Variants in CNTN5 observed in about 807,000 individuals in gnomAD.
The protein encoded by CNTN5 is contactin-5.
In CNTN5, 77 loss-of-function variants were observed where a neutral mutation model predicts 129.1. The ratio of observed to expected loss-of-function variants is 0.60; its 90% CI spans 0.50 to 0.72. The LOEUF (loss-of-function observed/expected upper bound fraction) is 0.72, where lower values mean the gene tolerates loss of function less well. Among genes scored for constraint, CNTN5 ranks in the 30% least tolerant of loss-of-function variants. The pLI is 0.00. For synonymous variants in CNTN5, 509 were observed against 465.6 expected, an observed-to-expected ratio of 1.09 and a Z score of -1.20; for missense variants, 1,478 against 1,328.8, an observed-to-expected ratio of 1.11 and a Z score of -1.75.
In CNTN5 at chr11:99,283,645, T is replaced by C. The variant is rs374188388; in HGVS notation, c.-209-41701T>C. Among the ~76,000 whole-genome samples the C allele has an allele frequency of 4.8e-3, 730 of 152,302 alleles. 6 individuals are homozygous for C. The highest frequency in any genetic ancestry group is 0.028 in the South Asian group (135 of 4,826). On this transcript the variant is annotated intron_variant, in intron 1 of 24. Coordinates refer to ENST00000524871, the MANE Select transcript of CNTN5 (RefSeq NM_014361.4). ...TGTATTACAAAGACCAGTTGTTTGCTAGTTTGTAACGAGCACTGTGCTAAG... is the reference window on the plus strand; with the variant it reads ...TGTATTACAAAGACCAGTTGTTTGCCAGTTTGTAACGAGCACTGTGCTAAG...
At chr11:99,458,371 T>G (rs1367923118) in intron 2 of CNTN5, among the ~76,000 whole-genome samples, 4 of 152,008 alleles carry the variant, frequency 2.6e-5, no homozygotes, top group Non-Finnish European at 5.9e-5. Context: ...AAAAGTCATT[T>G]TTAGTAATCA....
intron 9 of CNTN5, among the ~76,000 whole-genome samples, chr11:100,058,733 A>G (rs575454918): frequency 7.3e-5 from 11 of 150,860 alleles, no homozygotes; most frequent in Non-Finnish European, 1.6e-4. Context: ...AATGGAGAAC[A>G]TTGCTATCAC....
chr11:100,070,447 C>T lies in CNTN5; in HGVS notation c.1186C>T (p.Leu396=), dbSNP rs1943876080. 5 of 1,612,112 alleles carry T rather than the reference C, an allele frequency of 3.1e-6. No individual in the cohort carries two copies. Among genetic ancestry groups the T allele is most frequent in the African/African-American group, 1.3e-5 (1 of 74,866 alleles). ...VYTYPHWVEK[L]NDTQLDSGSP... ...AGCCTACCCACACTGGGTAGAAAAA[C>T]TGAATGATACTCAGTTAGACAGTGG... The change falls in exon 11 of 25, where the codon CTG becomes TTG. Residue 396 remains leucine, a synonymous_variant. Transcript: ENST00000524871.
At chr11:99,251,653 C>G (rs1347697165) in intron 1 of CNTN5, among the ~76,000 whole-genome samples, 2 of 151,984 alleles carry the variant, frequency 1.3e-5, no homozygotes, top group African/African-American at 4.8e-5. Flanking sequence ...TAACAATTGT[C>G]AAGCAGAGAG....
intron 1 of CNTN5, among the ~76,000 whole-genome samples, chr11:99,253,214 C>T (rs1189527946): frequency 1.3e-5 from 2 of 152,014 alleles, no homozygotes; most frequent in Admixed American, 6.6e-5. Context: ...AATTGGAGTT[C>T]CCCTGCACCA....
chr11:99,823,356 G>A (rs1027502255), intron 4 of CNTN5, among the ~76,000 whole-genome samples: 8 of 151,966 alleles, frequency 5.3e-5, no homozygotes, highest in East Asian at 3.9e-4. Context: ...ATCTCAACAG[G>A]TTGGTATTCT....
intron 13 of CNTN5, among the ~76,000 whole-genome samples, chr11:100,123,113 T>G (rs1946079364): frequency 6.6e-6 from 1 of 152,046 alleles, no homozygotes; most frequent in South Asian, 2.1e-4. Flanking sequence ...TTCCTACAGT[T>G]TTTATTCCGA....
chr11:100,018,058 G>A (rs1440060851), intron 9 of CNTN5, among the ~76,000 whole-genome samples: 1 of 151,836 alleles, frequency 6.6e-6, no homozygotes, highest in East Asian at 1.9e-4. Flanking sequence ...AATGTGTAGA[G>A]AAAACACAAT....
At chr11:99,714,045 G>A (rs1955116394) in intron 3 of CNTN5, among the ~76,000 whole-genome samples, 1 of 151,704 alleles carries the variant, frequency 6.6e-6, no homozygotes, top group Non-Finnish European at 1.5e-5. Flanking sequence ...TTGGGGACTT[G>A]TTTCTTTTTA....
intron 17 of CNTN5, among the ~76,000 whole-genome samples, chr11:100,260,788 A>T (rs1950179263): frequency 6.6e-6 from 1 of 152,244 alleles, no homozygotes; most frequent in African/African-American, 2.4e-5. Flanking sequence ...TACTGATGGA[A>T]CATATCTCAA....
At chr11:99,787,427 A>G (rs1049396970) in intron 3 of CNTN5, among the ~76,000 whole-genome samples, 5 of 151,622 alleles carry the variant, frequency 3.3e-5, no homozygotes, top group South Asian at 2.1e-4. Flanking sequence ...CTTATAAGGT[A>G]TAATATTAAA....
At chr11:99,093,851 T>C (rs892893734) in intron 1 of CNTN5, among the ~76,000 whole-genome samples, 5 of 152,008 alleles carry the variant, frequency 3.3e-5, no homozygotes, top group African/African-American at 1.2e-4. Context: ...GCTCAGAGAA[T>C]TTAATAACTT....
chr11:99,188,228 A>G (rs2135584011), intron 1 of CNTN5, among the ~76,000 whole-genome samples: 1 of 151,932 alleles, frequency 6.6e-6, no homozygotes. Flanking sequence ...ATTGCAAATA[A>G]TGGTGGAATA....
At chr11:99,807,658 G>T (rs1462117289) in intron 3 of CNTN5, among the ~76,000 whole-genome samples, 2 of 151,976 alleles carry the variant, frequency 1.3e-5, no homozygotes, top group Non-Finnish European at 2.9e-5. Flanking sequence ...GGTATTACAG[G>T]CATGCACTAC....
intron 1 of CNTN5, among the ~76,000 whole-genome samples, chr11:99,056,954 C>T (rs1268096210): frequency 6.6e-6 from 1 of 151,940 alleles, no homozygotes; most frequent in East Asian, 1.9e-4. Flanking sequence ...CCCTTACTGG[C>T]TGCCCAACAC....
chr11:99,813,863 T>C (rs757626450), intron 3 of CNTN5, among the ~76,000 whole-genome samples: 2 of 152,146 alleles, frequency 1.3e-5, no homozygotes, highest in African/African-American at 2.4e-5. Context: ...ATCTTGGTAA[T>C]TTTTATCTTT....
At chr11:99,109,874 T>G (rs1343199607) in intron 1 of CNTN5, among the ~76,000 whole-genome samples, 1 of 152,136 alleles carries the variant, frequency 6.6e-6, no homozygotes, top group African/African-American at 2.4e-5. Context: ...ATTCAACTTA[T>G]AAATGAACAT....
chr11:100,317,439 CT>C (rs1210726949), intron 21 of CNTN5, among the ~76,000 whole-genome samples: 7 of 152,102 alleles, frequency 4.6e-5, no homozygotes, highest in Non-Finnish European at 1.0e-4. Flanking sequence ...GCCTCTTTGG[CT>C]TTTTATTAAT....
At position 99,159,268 on chromosome 11, in the gene CNTN5, G is replaced by T. The variant is rs190499346; in HGVS notation, c.-210+137998G>T. ...TAATTTTTGGTAGAGTTACATTATA[G>T]TTTATTACACATTTTATCAATTTCA... On this transcript the variant is annotated intron_variant, in intron 1 of 24. Coordinates refer to ENST00000524871, the MANE Select transcript of CNTN5 (RefSeq NM_014361.4). Among the ~76,000 whole-genome samples the T allele has an allele frequency of 3.1e-3, 465 of 152,226 alleles. 3 individuals carry two copies. The highest frequency in any genetic ancestry group is 0.01 in the African/African-American group (432 of 41,526).
Sources: allele counts gnomAD v4.1 joint callset (sites outside exome capture counted in the v4.1 genomes callset), GRCh38; gene constraint gnomAD v4.1.1; transcripts MANE v1.5; gene names NCBI Gene and HGNC (gene_info 2026-07-23, HGNC 2026-07-21).